ZFYVE27: variants seen among roughly 807,000 people sequenced by gnomAD.
The protein encoded by ZFYVE27 is zinc finger FYVE-type containing 27.
A neutral mutation model predicts 52.8 loss-of-function variants in ZFYVE27; 36 were observed. The ratio of observed to expected loss-of-function variants is 0.68; its 90% CI spans 0.52 to 0.90. ZFYVE27 has a LOEUF of 0.90. Among genes scored for constraint, ZFYVE27 ranks in the 40% least tolerant of loss-of-function variants. The pLI is 0.00. For missense variants in ZFYVE27, 450 were observed against 527.2 expected, an observed-to-expected ratio of 0.85 and a Z score of 1.43; for synonymous variants, 223 against 215.6, an observed-to-expected ratio of 1.03 and a Z score of -0.30.
chr10:97,756,295 A>T (rs1322069189), intron 10 of ZFYVE27, among the ~76,000 whole-genome samples: 1 of 151,988 alleles, frequency 6.6e-6, no homozygotes, highest in African/African-American at 2.4e-5. Flanking sequence ...CATTTACCTG[A>T]AGCACCTTGG....
At chr10:97,748,209 C>G (rs1232570841) in intron 4 of ZFYVE27, 60 bp from the exon 5 acceptor site, 1 of 1,540,594 alleles carries the variant, frequency 6.5e-7, no homozygotes, top group Non-Finnish European at 8.9e-7. Flanking sequence ...CTGCAAGGCC[C>G]CAGGCTCCAC....
chr10:97,759,162 G>T (rs2049143525), intron 12 of ZFYVE27, 74 bp from the exon 13 acceptor site: 1 of 1,539,034 alleles, frequency 6.5e-7, no homozygotes, highest in East Asian at 2.3e-5. Flanking sequence ...CATTTGGGAG[G>T]GTGCTTCTAG....
chr10:97,751,214 A>G lies in ZFYVE27; in HGVS notation c.805-177A>G, dbSNP rs552376703. Among the ~76,000 whole-genome samples, 3 of 151,896 alleles carry G rather than the reference A, an allele frequency of 2.0e-5. No homozygotes were observed. In the South Asian group the frequency reaches 6.3e-4, roughly 32 times the overall value. On this transcript the variant is annotated intron_variant, in intron 7 of 12. Coordinates refer to ENST00000684270, the MANE Select transcript of ZFYVE27 (RefSeq NM_001385875.1). ...TAGGGCCAGCTGTGCTCGTGTTTCC[A>G]TCTCCCCCGCCCTGCCAGGCTAGAG... is the stretch of plus-strand genomic sequence containing the variant.
intron 3 of ZFYVE27, 103 bp from the exon 4 acceptor site, chr10:97,744,625 TG>T (rs1290311499): frequency 2.4e-5 from 33 of 1,390,490 alleles, no homozygotes; most frequent in Middle Eastern, 4.9e-4. Context: ...AAGGCCTGAC[TG>T]GCAGAGCCCT....
intron 12 of ZFYVE27, 98 bp downstream of exon 12, chr10:97,757,821 T>G (rs1590114027): frequency 7.8e-7 from 1 of 1,281,074 alleles, no homozygotes; most frequent in East Asian, 2.3e-5. Context: ...CAAGGGAACT[T>G]GGGATTGTAG....
Position 97,753,189 on chromosome 10 carries a change from C to T in ZFYVE27, c.1042+7C>T. 6.2e-7 allele frequency: 1 copy of T among 1,609,128 alleles called. No homozygotes were observed. The highest frequency in any genetic ancestry group is 8.5e-7 in the Non-Finnish European group (1 of 1,178,636). On this transcript the variant is annotated splice_region_variant and intron_variant, in intron 10 of 12. Transcript: ENST00000684270. ...TACCCCACCAACAACTTCGGTGCGG[C>T]CAGGGGACAGGGCTGGGCTGGTGGG...
rs754487055 is a variant in ZFYVE27 at position 97,743,089 on chromosome 10, T to C, written c.198-5T>C. ...CTGTAGTGATCAGGACTCTCTGTATTGTAGGTGGCAGATGCCTTTGTGTTC... is the reference window on the plus strand; with the variant it reads ...CTGTAGTGATCAGGACTCTCTGTATCGTAGGTGGCAGATGCCTTTGTGTTC... On this transcript the variant is annotated splice_region_variant and splice_polypyrimidine_tract_variant and intron_variant, in intron 2 of 12. Transcript: ENST00000684270. The C allele has an allele frequency of 6.2e-7, 1 of 1,614,150 alleles. No individual in the cohort carries two copies. Among genetic ancestry groups the C allele is most frequent in the South Asian group, 1.1e-5 (1 of 91,076 alleles).
chr10:97,747,420 G>C (rs2045741122), intron 4 of ZFYVE27, among the ~76,000 whole-genome samples: 1 of 152,106 alleles, frequency 6.6e-6, no homozygotes. Context: ...ATCCATTGAT[G>C]GGTCTTGCCT....
In ZFYVE27 at chr10:97,748,330, G is replaced by A. The variant is rs762021761; in HGVS notation, c.517G>A (p.Val173Met). Residue 173 changes from valine (V) to methionine (M), a missense_variant, in exon 5 of 13, where the codon GTG becomes ATG. Physicochemically the swap from Val to Met is conservative, Grantham distance 21 (BLOSUM62 1). Transcript: ENST00000684270. ...LCCTCEAAYR[V>M]LHWENPVVSS... Reference sequence around the variant, plus strand: ...CTGCACATGTGAAGCCGCCTACCGCGTGCTGCACTGGGAGAACCCCGTCGT... The same window carrying A: ...CTGCACATGTGAAGCCGCCTACCGCATGCTGCACTGGGAGAACCCCGTCGT... 2.5e-6 allele frequency: 4 copies of A among 1,614,152 alleles called. No individual in the cohort carries two copies. The highest frequency in any genetic ancestry group is 2.5e-6 in the Non-Finnish European group (3 of 1,180,044).
rs546260118 is a variant in ZFYVE27 at position 97,749,789 on chromosome 10, A to G, written c.664+203A>G. Among the ~76,000 whole-genome samples, 6 of 152,324 alleles carry G rather than the reference A, an allele frequency of 3.9e-5. No individual in the cohort carries two copies. In the South Asian group the frequency reaches 8.3e-4, roughly 21 times the overall value. ...AATCTCACCAGGGGAGGCTGCTACC[A>G]TTGGGCTCCCATCTCCCTTCGCTCC... is the stretch of plus-strand genomic sequence containing the variant. On this transcript the variant is annotated intron_variant, in intron 6 of 12. Transcript: ENST00000684270.
At chr10:97,755,696 G>A (rs1383950098) in intron 10 of ZFYVE27, among the ~76,000 whole-genome samples, 1 of 152,194 alleles carries the variant, frequency 6.6e-6, no homozygotes, top group Non-Finnish European at 1.5e-5. Flanking sequence ...TGGATGAGGG[G>A]GTGCATGGGG....
At chr10:97,755,287 A>T (rs987207060) in intron 10 of ZFYVE27, among the ~76,000 whole-genome samples, 2 of 152,176 alleles carry the variant, frequency 1.3e-5, no homozygotes, top group Admixed American at 1.3e-4. Context: ...CTGCTCCTGA[A>T]CCTGGGTCCT....
In ZFYVE27 at chr10:97,751,465, G is replaced by C. The variant is rs763205959; in HGVS notation, c.876+3G>C. On this transcript the variant is annotated splice_donor_region_variant and intron_variant, in intron 8 of 12. Transcript: ENST00000684270. Reference sequence around the variant, plus strand: ...AAGAGTTTAAAGATGCGATTGAGGTGGGTGGCCCTTCCCCAGCATCCTCTA... The same window carrying C: ...AAGAGTTTAAAGATGCGATTGAGGTCGGTGGCCCTTCCCCAGCATCCTCTA... 6.8e-6 allele frequency: 11 copies of C among 1,613,556 alleles called. No homozygotes were observed. Among genetic ancestry groups the C allele is most frequent in the Admixed American group, 5.0e-5 (3 of 59,992 alleles).
At position 97,744,873 on chromosome 10, in the gene ZFYVE27, G is replaced by T. The variant is rs10882993; in HGVS notation, c.413G>T (p.Gly138Val). The change falls in exon 4 of 13, where the codon GGT (glycine) becomes GTT (valine). Residue 138 changes from glycine (G) to valine (V), a missense_variant. Transcript: ENST00000684270. ...GTGAGGCAGGAGGACCTGCAGAGAG[G>T]TCGCCTGTCTCGTCCCGAGGCCGTG... ...HSVRQEDLQR[G>V]RLSRPEAVAE... 1,191,311 of 1,607,502 alleles carry T rather than the reference G, an allele frequency of 0.74. 444,151 individuals are homozygous for T. Among genetic ancestry groups the T allele is most frequent in the Middle Eastern group, 0.77 (4,556 of 5,932 alleles).
chr10:97,740,136 G>A (rs2043235114), intron 2 of ZFYVE27, among the ~76,000 whole-genome samples: 1 of 152,212 alleles, frequency 6.6e-6, no homozygotes, highest in African/African-American at 2.4e-5. Context: ...AAATACATGA[G>A]AGAGACTGGT....
At chr10:97,752,366 T>C (rs879865658) in intron 8 of ZFYVE27, among the ~76,000 whole-genome samples, 23 of 152,334 alleles carry the variant, frequency 1.5e-4, no homozygotes, top group Middle Eastern at 6.8e-3. Context: ...CATTTGACTT[T>C]CTGATGGCTA....
At position 97,738,605 on chromosome 10, in the gene ZFYVE27, C is replaced by T. The variant is rs148837235; in HGVS notation, c.128C>T (p.Ser43Phe). Residue 43 changes from serine to phenylalanine, a missense_variant, in exon 2 of 13, where the codon TCC becomes TTC. By Grantham distance (155) the Ser-to-Phe change is radical. Coordinates refer to ENST00000684270, the MANE Select transcript of ZFYVE27 (RefSeq NM_001385875.1). The stretch of plus-strand genomic sequence containing the variant: ...TTTGACCTTTTCAACTTGGTTCTCT[C>T]CTACAAGAGGCTGGAGATCTACCTG... Reference protein sequence around the residue: ...PAFDLFNLVLSYKRLEIYLEP... With the variant: ...PAFDLFNLVLFYKRLEIYLEP... 1.5e-4 allele frequency: 238 copies of T among 1,614,044 alleles called. No individual in the cohort carries two copies. The African/African-American group carries it at 2.8e-3, about 19-fold the overall frequency.
At chr10:97,747,495 A>T (rs2045772275) in intron 4 of ZFYVE27, among the ~76,000 whole-genome samples, 2 of 152,200 alleles carry the variant, frequency 1.3e-5, no homozygotes, top group Admixed American at 1.3e-4. Context: ...ACATTTTTTT[A>T]GCTGGCTTTC....
In ZFYVE27 at chr10:97,759,404, G is replaced by A; in HGVS notation, c.*104G>A. Reference sequence around the variant, plus strand: ...CTGTGGTGTGTGCTGGGCAAATGTGGCCTGAATGCTAGGTAGGCTTCCCCT... The same window carrying A: ...CTGTGGTGTGTGCTGGGCAAATGTGACCTGAATGCTAGGTAGGCTTCCCCT... On this transcript the variant is annotated 3_prime_UTR_variant, in exon 13 of 13. Coordinates refer to ENST00000684270, the MANE Select transcript of ZFYVE27 (RefSeq NM_001385875.1). 9 of 1,213,388 alleles carry A rather than the reference G, an allele frequency of 7.4e-6. No homozygotes were observed. The highest frequency in any genetic ancestry group is 1.1e-5 in the Non-Finnish European group (9 of 823,714). 75.2% of individuals were successfully genotyped at this position (1,213,388 alleles called of 1,614,324 possible).
Sources: gnomAD v4.1 joint callset for allele counts (sites outside exome capture counted in the v4.1 genomes callset) on GRCh38, gnomAD v4.1.1 for gene constraint, MANE v1.5 for transcripts, NCBI Gene and HGNC (gene_info 2026-07-23, HGNC 2026-07-21) for gene names.